Variants in AHRR observed in about 807,000 individuals in gnomAD.
AHRR encodes ahR repressor.
A neutral mutation model predicts 44.0 loss-of-function variants in AHRR; 28 were observed. The ratio of observed to expected loss-of-function variants is 0.64; its 90% CI spans 0.47 to 0.87. The LOEUF is 0.87. Among genes scored for constraint, AHRR ranks in the 40% least tolerant of loss-of-function variants. AHRR has a pLI of 0.00. For missense variants in AHRR, 990 were observed against 953.9 expected (o/e 1.04, Z -0.50); for synonymous variants, 434 against 407.0 (o/e 1.07, Z -0.80).
chr5:380,067 A>C (rs1733920109), intron 4 of AHRR, among the ~76,000 whole-genome samples: 1 of 152,232 alleles, frequency 6.6e-6, no homozygotes, highest in Non-Finnish European at 1.5e-5. Context: ...CAGATGTCTC[A>C]GCACCATGTA....
rs1741502573 is a variant in AHRR, at chr5:321,816, C to G, written c.-14C>G. ...CCTGAGCCTCCGCGCCCCGCAGGCC[C>G]TGGGTAAGTGTCCTGGGCGCCCCCG... is the stretch of plus-strand genomic sequence containing the variant. On this transcript the variant is annotated 5_prime_UTR_variant, in exon 1 of 11. Transcript: ENST00000684583. The surrounding 1 kb of genome is among the most constrained non-coding windows in gnomAD (Gnocchi z 8.3). The G allele has an allele frequency of 6.6e-6, 1 of 151,856 alleles. No individual in the cohort carries two copies. The highest frequency in any genetic ancestry group is 2.1e-4 in the South Asian group (1 of 4,838). The allele number at this position is 151,856 out of a possible 1,614,324, so 9.4% of individuals were successfully genotyped here. A position where few individuals can be genotyped will look rare whatever the true frequency, so the allele number is the denominator to read the frequency against.
intron 1 of AHRR, among the ~76,000 whole-genome samples, chr5:340,131 T>C (rs949068233): frequency 6.6e-6 from 1 of 152,230 alleles, no homozygotes. Flanking sequence ...TTTCTTTACA[T>C]TGGTAGATAT....
chr5:356,152 C>T (rs966273412), intron 3 of AHRR, among the ~76,000 whole-genome samples: 2 of 152,200 alleles, frequency 1.3e-5, no homozygotes, highest in Non-Finnish European at 2.9e-5. Context: ...GGATTTTCCA[C>T]TCTTGGTGAT....
chr5:402,183 T>C (rs1579672332), intron 4 of AHRR, among the ~76,000 whole-genome samples: 1 of 152,134 alleles, frequency 6.6e-6, no homozygotes. Flanking sequence ...GGCCAGTTTG[T>C]AGGTGGAAAG....
chr5:390,698 G>T (rs1015137297), intron 4 of AHRR, among the ~76,000 whole-genome samples: 3 of 152,134 alleles, frequency 2.0e-5, no homozygotes, highest in African/African-American at 7.2e-5. Context: ...CAGGGCATGA[G>T]TTTCCGGGTT....
At chr5:378,747 A>G (rs1195449963) in intron 4 of AHRR, among the ~76,000 whole-genome samples, 1 of 152,106 alleles carries the variant, frequency 6.6e-6, no homozygotes, top group Non-Finnish European at 1.5e-5. Flanking sequence ...TACGAGTCAG[A>G]GCTTCTAGGT....
Position 395,405 on chromosome 5 carries a change from G to C in AHRR, c.352-17939G>C, listed in dbSNP as rs1324222771. ...GACAAGGTGGCAAACAGGAAGGGCAGCTGACTCACCAGCCCAGAGCAGGGG... is the reference window on the plus strand; with the variant it reads ...GACAAGGTGGCAAACAGGAAGGGCACCTGACTCACCAGCCCAGAGCAGGGG... On this transcript the variant is annotated intron_variant, in intron 4 of 10. Transcript: ENST00000684583. This position sits in a 1 kb window ranked among gnomAD's most constrained non-coding sequence, Gnocchi z 5.3. Among the ~76,000 whole-genome samples, 1 of 152,220 alleles carries C rather than the reference G, an allele frequency of 6.6e-6. No homozygotes were observed. Among genetic ancestry groups the C allele is most frequent in the Non-Finnish European group, 1.5e-5 (1 of 68,036 alleles).
chr5:427,474 C>T (rs1736472518), intron 7 of AHRR, among the ~76,000 whole-genome samples: 1 of 152,228 alleles, frequency 6.6e-6, no homozygotes, highest in Non-Finnish European at 1.5e-5. Context: ...GGGCAGGTGG[C>T]AGGTCCCACA....
chr5:427,758 G>T (rs1736510617), intron 7 of AHRR, 49 bp from the exon 8 acceptor site: 1 of 1,611,846 alleles, frequency 6.2e-7, no homozygotes, highest in Non-Finnish European at 8.5e-7. Context: ...TGACCACCTT[G>T]CCAGGCCACT....
Position 422,873 on chromosome 5 carries a change from T to G in AHRR, c.571+15T>G, listed in dbSNP as rs905387283. The G allele has an allele frequency of 6.2e-7, 1 of 1,601,568 alleles. No individual in the cohort carries two copies. Among genetic ancestry groups the G allele is most frequent in the Non-Finnish European group, 8.5e-7 (1 of 1,173,840 alleles). On this transcript the variant is annotated intron_variant, in intron 6 of 10. Coordinates refer to ENST00000684583, the MANE Select transcript of AHRR (RefSeq NM_001377236.1). Reference sequence around the variant, plus strand: ...CTTGGAGACAGGTGGGTGTCTGGGGTCCAAGTGAGTCAGCAAAACCTAAAG... The same window carrying G: ...CTTGGAGACAGGTGGGTGTCTGGGGGCCAAGTGAGTCAGCAAAACCTAAAG...
Position 384,381 on chromosome 5 carries a change from A to G in AHRR, c.351+7665A>G, listed in dbSNP as rs930646707. Among the ~76,000 whole-genome samples, 5 of 152,158 alleles carry G rather than the reference A, an allele frequency of 3.3e-5. No individual in the cohort carries two copies. In the East Asian group the frequency reaches 5.8e-4, roughly 18 times the overall value. On this transcript the variant is annotated intron_variant, in intron 4 of 10. Transcript: ENST00000684583. Reference sequence around the variant, plus strand: ...ATAAATCCTCTTACACTTTTGCTTTATATTTGTCATATGTATTATATCTAC... The same window carrying G: ...ATAAATCCTCTTACACTTTTGCTTTGTATTTGTCATATGTATTATATCTAC...
intron 5 of AHRR, among the ~76,000 whole-genome samples, chr5:415,614 C>CCGAGTCTGCCTGGTCTGCT (rs1735745120): frequency 1.4e-4 from 9 of 66,368 alleles, no homozygotes; most frequent in Admixed American, 8.7e-4. Context: ...CCTGGTGGGG[C>CCGAGTCTGCCTGGTCTGCT]GGGAGGCCTA....
rs1459116239 is a variant in AHRR at position 397,899 on chromosome 5, GACCA to G, written c.352-15444_352-15441del. On this transcript the variant is annotated intron_variant, in intron 4 of 10. Transcript: ENST00000684583. Reference sequence around the variant, plus strand: ...GCCCCTGACCATCCACGTAGCTCCTGACCATCCATGTTAGCCCCTGACCATCCAC... The same window carrying G: ...GCCCCTGACCATCCACGTAGCTCCTGTCCATGTTAGCCCCTGACCATCCAC... 2.3e-3 allele frequency among the ~76,000 whole-genome samples: 236 copies of G among 101,656 alleles called. 18 individuals carry two copies. The highest frequency in any genetic ancestry group is 3.5e-3 in the Non-Finnish European group (170 of 48,010). The allele number at this position is 101,656 out of a possible 152,430, so 66.7% of individuals were successfully genotyped here.
At chr5:333,249 C>T (rs1741993655) in intron 1 of AHRR, among the ~76,000 whole-genome samples, 1 of 152,134 alleles carries the variant, frequency 6.6e-6, no homozygotes. Flanking sequence ...TTGTATGCAG[C>T]ATATAGTTGA....
At chr5:426,903 G>A (rs556748334) in intron 7 of AHRR, among the ~76,000 whole-genome samples, 2 of 151,162 alleles carry the variant, frequency 1.3e-5, no homozygotes, top group East Asian at 2.0e-4. Context: ...CTGGGTAGAT[G>A]AATGTATGGG....
rs1323584575 is a variant in AHRR at position 325,929 on chromosome 5, C to G, written c.-11+4110C>G. 1.1e-4 allele frequency among the ~76,000 whole-genome samples: 16 copies of G among 151,840 alleles called. 1 individual carries two copies. The highest frequency in any genetic ancestry group is 9.8e-4 in the Admixed American group (15 of 15,240). On this transcript the variant is annotated intron_variant, in intron 1 of 10. Transcript: ENST00000684583. ...TCCCGAGTAGCTGGGATTACAGGCA[C>G]CAGCCACCACGCCTGGCTAATTTTT...
chr5:373,899 G>C (rs549219143), intron 3 of AHRR, among the ~76,000 whole-genome samples: 8 of 151,012 alleles, frequency 5.3e-5, no homozygotes, highest in East Asian at 3.9e-4. Context: ...GCCCCATCGC[G>C]TGACGGCGCC....
intron 3 of AHRR, among the ~76,000 whole-genome samples, chr5:369,461 T>C (rs1215284922): frequency 6.6e-6 from 1 of 152,342 alleles, no homozygotes; most frequent in East Asian, 1.9e-4. Flanking sequence ...TCCTTGCAGA[T>C]GAACAGACCT....
intron 4 of AHRR, among the ~76,000 whole-genome samples, chr5:390,864 C>T (rs551581194): frequency 6.6e-6 from 1 of 152,280 alleles, no homozygotes; most frequent in South Asian, 2.1e-4. Context: ...AAACGCCTTC[C>T]AACCTGGAGT....
Sources: gnomAD v4.1 joint callset for allele counts (sites outside exome capture counted in the v4.1 genomes callset) on GRCh38, gnomAD v4.1.1 for gene constraint, Gnocchi (gnomAD v3.1) non-coding constraint, MANE v1.5 for transcripts, NCBI Gene and HGNC (gene_info 2026-07-23, HGNC 2026-07-21) for gene names.